Variants in COP1 observed in about 807,000 individuals in gnomAD.
COP1 encodes the protein COP1 E3 ubiquitin ligase.
COP1 carries 24 observed loss-of-function variants against 101.3 expected under a neutral mutation model. The ratio of observed to expected loss-of-function variants is 0.24; its 90% CI spans 0.17 to 0.33. COP1 has a LOEUF of 0.33. Among genes scored for constraint, COP1 ranks in the 10% least tolerant of loss-of-function variants. The pLI is 1.00. For synonymous variants in COP1, 347 were observed against 341.9 expected, an observed-to-expected ratio of 1.01 and a Z score of -0.17; for missense variants, 663 against 906.2, an observed-to-expected ratio of 0.73 and a Z score of 3.45.
rs532053367 is a variant in COP1, at chr1:175,945,146, T to G, written c.*7A>C. The G allele has an allele frequency of 6.3e-7, 1 of 1,577,548 alleles. No homozygotes were observed. Among genetic ancestry groups the G allele is most frequent in the South Asian group, 1.1e-5 (1 of 88,006 alleles). ...GGATCAAGTACAATTTGACTTGAGT[T>G]AACCCTTCATACCAATTCTAGCACC... On this transcript the variant is annotated 3_prime_UTR_variant, in exon 20 of 20. Transcript: ENST00000367669.
chr1:176,180,944 G>C (rs1468441953), intron 2 of COP1, among the ~76,000 whole-genome samples: 1 of 152,162 alleles, frequency 6.6e-6, no homozygotes, highest in East Asian at 1.9e-4. Context: ...CCCATTAATT[G>C]TAACTAACTT....
intron 18 of COP1, among the ~76,000 whole-genome samples, chr1:175,955,496 G>T (rs541414222): frequency 1.3e-5 from 2 of 151,996 alleles, no homozygotes; most frequent in Admixed American, 6.6e-5. Context: ...AACCCAGTGC[G>T]ACAGTCAAGA....
chr1:175,996,501 A>T (rs1660192050), intron 15 of COP1, among the ~76,000 whole-genome samples: 1 of 151,980 alleles, frequency 6.6e-6, no homozygotes, highest in Non-Finnish European at 1.5e-5. Context: ...AGAAAACCCC[A>T]TCGTCTCAGC....
intron 15 of COP1, among the ~76,000 whole-genome samples, chr1:175,994,126 T>C (rs1303358902): frequency 5.3e-5 from 8 of 152,252 alleles, no homozygotes; most frequent in African/African-American, 1.4e-4. Context: ...AACCCAGAAT[T>C]TCATATCCAG....
chr1:176,041,346 T>TTTCTTTC (rs1553234219), intron 14 of COP1, among the ~76,000 whole-genome samples: 1 of 145,632 alleles, frequency 6.9e-6, no homozygotes, highest in Admixed American at 6.8e-5. Context: ...ATTTTTTTTC[T>TTTCTTTC]TTTTTTCTTT....
intron 8 of COP1, among the ~76,000 whole-genome samples, chr1:176,133,256 G>GTA (rs1223214002): frequency 2.7e-5 from 4 of 150,168 alleles, no homozygotes; most frequent in Admixed American, 1.3e-4. Context: ...ACACACATAC[G>GTA]TATATACGTA....
At position 176,085,789 on chromosome 1, in the gene COP1, C is replaced by T; in HGVS notation, c.1128G>A (p.Met376Ile). The stretch of plus-strand genomic sequence containing the variant: ...CTAAATATATACCTGAGATACGAGA[C>T]ATCCTTGTAGAAAAGTAACACTGCT... ...DLEQCYFSTR[M>I]SRISDDSRTA... Residue 376 changes from methionine (M) to isoleucine (I), a missense_variant, in exon 10 of 20, where the codon ATG becomes ATA. By Grantham distance (10) the Met-to-Ile change is conservative (BLOSUM62 1). Coordinates refer to ENST00000367669, the MANE Select transcript of COP1 (RefSeq NM_022457.7). 1 of 1,587,812 alleles carries T rather than the reference C, an allele frequency of 6.3e-7. No homozygotes were observed.
Position 176,043,262 on chromosome 1 carries a change from A to G in COP1, c.1536T>C (p.His512=), listed in dbSNP as rs918699620. The change falls in exon 14 of 20, where the codon CAT becomes CAC. Residue 512 remains histidine (H), a synonymous_variant. Coordinates refer to ENST00000367669, the MANE Select transcript of COP1 (RefSeq NM_022457.7). ...TGQRSKVYQE[H]EKRCWSVDFN... ...AGTCAACACTCCAACACCTCTTCTC[A>G]TGCTCCTGGAAGCAGAAAGAAGACA... The G allele has an allele frequency of 1.2e-5, 19 of 1,605,866 alleles. No individual in the cohort carries two copies. The highest frequency in any genetic ancestry group is 1.5e-5 in the Non-Finnish European group (18 of 1,172,822).
rs1013306464 is a variant in COP1, at chr1:176,097,079, T to C, written c.1027-11189A>G. Among the ~76,000 whole-genome samples the C allele has an allele frequency of 2.0e-5, 3 of 152,230 alleles. No homozygotes were observed. The South Asian group carries it at 6.2e-4, about 31-fold the overall frequency. ...TAGTAAAGTTTGAAAGCCAGAAATA[T>C]TGGCCACTTGGGATGGCTAAAGTCA... On this transcript the variant is annotated intron_variant, in intron 9 of 19. Transcript: ENST00000367669.
At chr1:176,167,137 A>G (rs12084102) in intron 3 of COP1, among the ~76,000 whole-genome samples, 8,171 of 152,230 alleles carry the variant, frequency 0.054, 261 homozygotes, top group East Asian at 0.072. Flanking sequence ...CAACATTCAA[A>G]TGTCTATATA....
intron 15 of COP1, among the ~76,000 whole-genome samples, chr1:176,003,398 TGGTGTTTTA>T (rs970890387): frequency 2.4e-4 from 37 of 152,144 alleles, no homozygotes; most frequent in African/African-American, 8.4e-4. Flanking sequence ...CCATTGCTTT[TGGTGTTTTA>T]GACATGAAGT....
At chr1:176,027,756 T>C (rs1667928385) in intron 14 of COP1, 68 bp from the exon 15 acceptor site, 1 of 925,594 alleles carries the variant, frequency 1.1e-6, no homozygotes, top group Non-Finnish European at 1.7e-6. Flanking sequence ...TTCTGTAACT[T>C]GGGAAAGTTG....
chr1:176,033,213 A>C (rs1310566441), intron 14 of COP1, among the ~76,000 whole-genome samples: 1 of 152,026 alleles, frequency 6.6e-6, no homozygotes, highest in East Asian at 1.9e-4. Flanking sequence ...GGAGTTGGAG[A>C]CCAGCCTGAC....
At chr1:175,945,800 C>T (rs1649096673) in intron 19 of COP1, among the ~76,000 whole-genome samples, 1 of 152,218 alleles carries the variant, frequency 6.6e-6, no homozygotes, top group Non-Finnish European at 1.5e-5. Context: ...TAGATGGACA[C>T]TACAACACTC....
At chr1:176,115,349 C>T (rs977662499) in intron 9 of COP1, among the ~76,000 whole-genome samples, 4 of 152,158 alleles carry the variant, frequency 2.6e-5, no homozygotes, top group African/African-American at 7.2e-5. Flanking sequence ...ACTCGGGAGG[C>T]TGAGGCTGGA....
chr1:176,026,383 T>A (rs540343576), intron 15 of COP1, among the ~76,000 whole-genome samples: 49 of 152,128 alleles, frequency 3.2e-4, no homozygotes, highest in East Asian at 1.4e-3. Flanking sequence ...ACACAAAGAA[T>A]CTTTTTTCCA....
intron 15 of COP1, among the ~76,000 whole-genome samples, chr1:175,995,298 G>A (rs1318817024): frequency 1.3e-5 from 2 of 152,158 alleles, no homozygotes; most frequent in South Asian, 2.1e-4. Flanking sequence ...AAGCAGGAAA[G>A]ATCCAAAATT....
chr1:176,164,031 C>T (rs970207357), intron 3 of COP1, 140 bp from the exon 4 acceptor site: 29 of 516,260 alleles, frequency 5.6e-5, no homozygotes, highest in Non-Finnish European at 9.7e-5. Context: ...AAAGTGTTAG[C>T]TTTTTATTTT....
intron 15 of COP1, among the ~76,000 whole-genome samples, chr1:176,022,729 C>T (rs1159537843): frequency 7.0e-6 from 1 of 142,386 alleles, no homozygotes; most frequent in Admixed American, 7.0e-5. Flanking sequence ...GATACTATCC[C>T]CTGCTTCAGA....
Sources: gnomAD v4.1 joint callset for allele counts (sites outside exome capture counted in the v4.1 genomes callset) on GRCh38, gnomAD v4.1.1 for gene constraint, MANE v1.5 for transcripts, NCBI Gene and HGNC (gene_info 2026-07-23, HGNC 2026-07-21) for gene names.